CHST12: variants seen among roughly 807,000 people sequenced by gnomAD.
The protein encoded by CHST12 is carbohydrate sulfotransferase 12.
In CHST12, 23 loss-of-function variants were observed where a neutral mutation model predicts 27.9. That is an observed-to-expected ratio of 0.82 (90% confidence interval 0.59 to 1.17). The LOEUF (loss-of-function observed/expected upper bound fraction) is 1.17. CHST12 is among the 50% of genes most tolerant of loss of function. The pLI is 0.00. For missense variants in CHST12, 682 were observed against 603.0 expected, an observed-to-expected ratio of 1.13 and a Z score of -1.37; for synonymous variants, 322 against 273.0, an observed-to-expected ratio of 1.18 and a Z score of -1.77.
upstream of CHST12, chr7:2,403,462 G>C (rs1307029266): frequency 6.8e-6 from 1 of 148,016 alleles, no homozygotes; most frequent in East Asian, 2.1e-4. Flanking sequence ...GGGCGGGCGG[G>C]CTGGCCGGGC....
intron 1 of CHST12, among the ~76,000 whole-genome samples, chr7:2,431,354 C>T (rs1017272489): frequency 1.2e-4 from 19 of 152,160 alleles, no homozygotes; most frequent in Admixed American, 2.0e-4. Context: ...TTTCCATTCC[C>T]GGGAGAGAGG....
Position 2,430,644 on chromosome 7 carries a change from G to T in CHST12, c.-77-1919G>T, listed in dbSNP as rs112727688. 3.7e-3 allele frequency among the ~76,000 whole-genome samples: 566 copies of T among 151,978 alleles called. 3 individuals are homozygous for T. The highest frequency in any genetic ancestry group is 0.013 in the African/African-American group (531 of 41,442). The stretch of plus-strand genomic sequence containing the variant: ...AAATTTTGTATTTTCAGTAGAGACA[G>T]TTTCACCATGTTGGCCAGGCGGGTC... On this transcript the variant is annotated intron_variant, in intron 1 of 1. Transcript: ENST00000618655.
At chr7:2,422,326 C>T in intron 1 of CHST12, among the ~76,000 whole-genome samples, 1 of 150,974 alleles carries the variant, frequency 6.6e-6, no homozygotes, top group Non-Finnish European at 1.5e-5. Context: ...CTCACTGCAA[C>T]CTCCGCCTCC....
In CHST12 at chr7:2,440,913, A is replaced by G. The variant is rs1339742760; in HGVS notation, c.*7029A>G. The G allele has an allele frequency of 1.3e-5, 2 of 152,146 alleles. No homozygotes were observed. The highest frequency in any genetic ancestry group is 1.5e-5 in the Non-Finnish European group (1 of 68,030). 9.4% of individuals were successfully genotyped at this position (152,146 alleles called of 1,614,324 possible). On this transcript the variant is annotated 3_prime_UTR_variant, in exon 2 of 2. Coordinates refer to ENST00000618655, the MANE Select transcript of CHST12 (RefSeq NM_018641.5). ...GTCATAAGTTAGCGTGTCTAAATGC[A>G]CTTTGAAATCCTAGGATGAAAAAGC...
In CHST12 at chr7:2,433,001, A is replaced by G; in HGVS notation, c.362A>G (p.Gln121Arg). ...CGCAGCCCAGACCAGGGCCGGCAGCAGGCGGAGCGGAGGAGCGTGCTGCGG... is the reference window on the plus strand; with the variant it reads ...CGCAGCCCAGACCAGGGCCGGCAGCGGGCGGAGCGGAGGAGCGTGCTGCGG... ...ARRSPDQGRQ[Q>R]AERRSVLRGF... is the part of the protein sequence containing the mutation. Residue 121 changes from glutamine (Q) to arginine (R), a missense_variant, in exon 2 of 2, where the codon CAG becomes CGG. Gln to Arg is a conservative substitution (Grantham distance 43, BLOSUM62 1). Transcript: ENST00000618655. This position sits in a 1 kb window ranked among gnomAD's most constrained non-coding sequence, Gnocchi z 6.1. 1 of 1,610,366 alleles carries G rather than the reference A, an allele frequency of 6.2e-7. No individual in the cohort carries two copies. Among genetic ancestry groups the G allele is most frequent in the Non-Finnish European group, 8.5e-7 (1 of 1,178,790 alleles).
rs1782675141 is a variant in CHST12, at chr7:2,443,709, G to A, written c.*9825G>A. On this transcript the variant is annotated 3_prime_UTR_variant, in exon 2 of 2. Coordinates refer to ENST00000618655, the MANE Select transcript of CHST12 (RefSeq NM_018641.5). Reference sequence around the variant, plus strand: ...CACATAACACAGGAACAAAGACAGAGCTGCTTCCCTCCTGTTGGGTCTCTG... The same window carrying A: ...CACATAACACAGGAACAAAGACAGAACTGCTTCCCTCCTGTTGGGTCTCTG... The A allele has an allele frequency of 6.6e-6, 1 of 152,212 alleles. No homozygotes were observed. Among genetic ancestry groups the A allele is most frequent in the Non-Finnish European group, 1.5e-5 (1 of 68,058 alleles). 9.4% of individuals were successfully genotyped at this position (152,212 alleles called of 1,614,324 possible).
intron 1 of CHST12, among the ~76,000 whole-genome samples, chr7:2,427,580 C>G (rs773769473): frequency 1.3e-4 from 19 of 151,926 alleles, no homozygotes; most frequent in Non-Finnish European, 2.5e-4. Context: ...CTGCCACCCC[C>G]CCCTACAGAG....
chr7:2,412,999 C>T (rs1448238165), intron 1 of CHST12, among the ~76,000 whole-genome samples: 1 of 151,360 alleles, frequency 6.6e-6, no homozygotes, highest in Non-Finnish European at 1.5e-5. Context: ...CTGATGAAGA[C>T]AGAGAGATAA....
At chr7:2,425,680 C>T (rs959793383) in intron 1 of CHST12, among the ~76,000 whole-genome samples, 2 of 147,850 alleles carry the variant, frequency 1.4e-5, no homozygotes, top group African/African-American at 5.2e-5. Flanking sequence ...TGCAAAATAG[C>T]ACTGCATTTG....
intron 1 of CHST12, among the ~76,000 whole-genome samples, chr7:2,415,498 T>C (rs1392055611): frequency 1.3e-5 from 2 of 152,356 alleles, no homozygotes; most frequent in Non-Finnish European, 2.9e-5. Context: ...TATCTGAGCC[T>C]TCAGCGAGTG....
rs143885858 is a variant in CHST12 at position 2,404,462 on chromosome 7, C to T, written c.-78+789C>T. On this transcript the variant is annotated intron_variant, in intron 1 of 1. Transcript: ENST00000618655. ...AGCGGGGCTGTGGGGACTCGGAAGC[C>T]CCGGGGTGAATAGGAATGTGAGTTG... Among the ~76,000 whole-genome samples the T allele has an allele frequency of 5.9e-3, 905 of 152,282 alleles. 12 individuals carry two copies. Among genetic ancestry groups the T allele is most frequent in the African/African-American group, 0.021 (863 of 41,552 alleles).
rs1204698919 is a variant in CHST12 at position 2,407,900 on chromosome 7, C to A, written c.-78+4227C>A. Among the ~76,000 whole-genome samples, 3 of 151,992 alleles carry A rather than the reference C, an allele frequency of 2.0e-5. No individual in the cohort carries two copies. In the East Asian group the frequency reaches 5.8e-4, roughly 29 times the overall value. ...CCCAGATCGTGCCACTGCACTCCAG[C>A]CTGGGCAATAGAATGAGACTCCGTC... is the stretch of plus-strand genomic sequence containing the variant. On this transcript the variant is annotated intron_variant, in intron 1 of 1. Coordinates refer to ENST00000618655, the MANE Select transcript of CHST12 (RefSeq NM_018641.5).
chr7:2,429,852 G>A (rs138885631), intron 1 of CHST12, among the ~76,000 whole-genome samples: 226 of 152,054 alleles, frequency 1.5e-3, no homozygotes, highest in African/African-American at 4.4e-3. Context: ...GCACGATCTC[G>A]GCTTACTGCA....
In CHST12 at chr7:2,433,855, C is replaced by T; in HGVS notation, c.1216C>T (p.Pro406Ser). The change falls in exon 2 of 2, where the codon CCC becomes TCC. Residue 406 changes from proline (P) to serine (S), a missense_variant. Physicochemically the swap from Pro to Ser is moderately conservative, Grantham distance 74. Coordinates refer to ENST00000618655, the MANE Select transcript of CHST12 (RefSeq NM_018641.5). This position sits in a 1 kb window ranked among gnomAD's most constrained non-coding sequence, Gnocchi z 6.1. ...GGCCGACTTTGTTCTCTTCGGCTACCCCAAGCCCGAAAACCTCCTCCGAGA... is the reference window on the plus strand; with the variant it reads ...GGCCGACTTTGTTCTCTTCGGCTACTCCAAGCCCGAAAACCTCCTCCGAGA... ...YEADFVLFGY[P>S]KPENLLRD 2 of 1,583,064 alleles carry T rather than the reference C, an allele frequency of 1.3e-6. No individual in the cohort carries two copies. Among genetic ancestry groups the T allele is most frequent in the Non-Finnish European group, 8.6e-7 (1 of 1,159,446 alleles).
chr7:2,423,268 A>G, intron 1 of CHST12, among the ~76,000 whole-genome samples: 1 of 151,996 alleles, frequency 6.6e-6, no homozygotes, highest in African/African-American at 2.4e-5. Flanking sequence ...ACAAGACTCC[A>G]TCTCAAAAAA....
chr7:2,430,738 C>T (rs1030462278), intron 1 of CHST12, among the ~76,000 whole-genome samples: 38 of 151,968 alleles, frequency 2.5e-4, no homozygotes, highest in African/African-American at 9.2e-4. Flanking sequence ...AGGCATGAGC[C>T]ACCACACCCA....
chr7:2,433,011 G>A lies in CHST12; in HGVS notation c.372G>A (p.Arg124=), dbSNP rs771248775. 1.7e-5 allele frequency: 28 copies of A among 1,610,928 alleles called. No individual in the cohort carries two copies. The highest frequency in any genetic ancestry group is 2.3e-5 in the Non-Finnish European group (27 of 1,179,342). ...SPDQGRQQAE[R]RSVLRGFCAN... is the part of the protein sequence containing the mutation. The stretch of plus-strand genomic sequence containing the variant: ...ACCAGGGCCGGCAGCAGGCGGAGCG[G>A]AGGAGCGTGCTGCGGGGCTTCTGCG... The change falls in exon 2 of 2, where the codon CGG becomes CGA. Residue 124 remains arginine, a synonymous_variant. Coordinates refer to ENST00000618655, the MANE Select transcript of CHST12 (RefSeq NM_018641.5). This position sits in a 1 kb window ranked among gnomAD's most constrained non-coding sequence, Gnocchi z 6.1.
chr7:2,405,990 A>G (rs1781514792), intron 1 of CHST12, among the ~76,000 whole-genome samples: 1 of 152,150 alleles, frequency 6.6e-6, no homozygotes, highest in Non-Finnish European at 1.5e-5. Flanking sequence ...TTGACTACGC[A>G]CAGTCATTGA....
At chr7:2,424,641 C>T (rs1782060818) in intron 1 of CHST12, among the ~76,000 whole-genome samples, 1 of 152,162 alleles carries the variant, frequency 6.6e-6, no homozygotes. Flanking sequence ...TTTTTGGCCC[C>T]TTAACTCATT....
Sources: gnomAD v4.1 joint callset for allele counts (sites outside exome capture counted in the v4.1 genomes callset) on GRCh38, gnomAD v4.1.1 for gene constraint, Gnocchi (gnomAD v3.1) non-coding constraint, MANE v1.5 for transcripts, NCBI Gene and HGNC (gene_info 2026-07-23, HGNC 2026-07-21) for gene names.